The following SLC19A3 variants were observed in gnomAD, a reference collection of about 807,000 sequenced individuals.
SLC19A3 encodes the protein solute carrier family 19 member 3, also known as thiamine transporter 2.
In SLC19A3, 31 loss-of-function variants were observed where a neutral mutation model predicts 40.2. That is an observed-to-expected ratio of 0.77 (90% confidence interval 0.58 to 1.04). SLC19A3 has a LOEUF of 1.04. Among genes scored for constraint, SLC19A3 ranks in the 50% least tolerant of loss-of-function variants. The pLI, the probability that SLC19A3 is intolerant of heterozygous loss-of-function variation, is 0.00. For synonymous variants in SLC19A3, 212 were observed against 227.5 expected, an observed-to-expected ratio of 0.93 and a Z score of 0.61; for missense variants, 592 against 596.7, an observed-to-expected ratio of 0.99 and a Z score of 0.08.
intron 1 of SLC19A3, among the ~76,000 whole-genome samples, chr2:227,715,236 A>C (rs1696291923): frequency 6.7e-6 from 1 of 149,674 alleles, no homozygotes; most frequent in Non-Finnish European, 1.5e-5. Flanking sequence ...ATAATCCTTT[A>C]TGTCAAACCC....
At chr2:227,693,358 A>G (rs1695305740) in intron 4 of SLC19A3, among the ~76,000 whole-genome samples, 1 of 152,214 alleles carries the variant, frequency 6.6e-6, no homozygotes. Context: ...CCAAAACAGC[A>G]TAGTTCTGGC....
intron 1 of SLC19A3, among the ~76,000 whole-genome samples, chr2:227,715,530 T>G (rs1696305405): frequency 6.6e-6 from 1 of 152,194 alleles, no homozygotes; most frequent in Non-Finnish European, 1.5e-5. Context: ...CCAGCCCAAG[T>G]GATCTTTAAG....
At chr2:227,706,822 T>C (rs56378971) in intron 1 of SLC19A3, 17,972 of 152,440 alleles carry the variant, frequency 0.12, 1,185 homozygotes, top group Middle Eastern at 0.17. Flanking sequence ...TATCAGGCTC[T>C]CACGATTTGA....
At position 227,707,353 on chromosome 2, in the gene SLC19A3, G is replaced by A. The variant is rs1016262447; in HGVS notation, c.-2-5033C>T. On this transcript the variant is annotated intron_variant, in intron 1 of 5. Coordinates refer to ENST00000644224, the MANE Select transcript of SLC19A3 (RefSeq NM_025243.4). ...TAATACTACCACTGTGGGAGGCCAA[G>A]TCAGGTGGATCGCTTGAGCTCAGGT... Among the ~76,000 whole-genome samples the A allele has an allele frequency of 2.6e-5, 4 of 152,164 alleles. No individual in the cohort carries two copies. The South Asian group carries it at 8.3e-4, about 31-fold the overall frequency.
At position 227,699,421 on chromosome 2, in the gene SLC19A3, C is replaced by A; in HGVS notation, c.294G>T (p.Leu98Phe). Reference sequence around the variant, plus strand: ...GCATGGTCTTCACTCCTTGGCCAAACAACAGCAGCAGCCAGGTAATGATGA... The same window carrying A: ...GCATGGTCTTCACTCCTTGGCCAAAAAACAGCAGCAGCCAGGTAATGATGA... Reference protein sequence around the residue: ...ISFIITWLLLLFGQGVKTMQV... With the variant: ...ISFIITWLLLFFGQGVKTMQV... The change falls in exon 3 of 6, where the codon TTG becomes TTT. Residue 98 changes from leucine to phenylalanine, a missense_variant. Leu to Phe is a conservative substitution (Grantham distance 22, BLOSUM62 0). Transcript: ENST00000644224. 6.2e-7 allele frequency: 1 copy of A among 1,614,120 alleles called. No individual in the cohort carries two copies. The highest frequency in any genetic ancestry group is 8.5e-7 in the Non-Finnish European group (1 of 1,180,024).
chr2:227,702,358 T>C lies in SLC19A3; in HGVS notation c.-2-38A>G, dbSNP rs762716116. 12 of 1,608,380 alleles carry C rather than the reference T, an allele frequency of 7.5e-6. No individual in the cohort carries two copies. In the East Asian group the frequency reaches 2.0e-4, roughly 27 times the overall value. On this transcript the variant is annotated intron_variant, in intron 1 of 5. Transcript: ENST00000644224. ...AAACAAAGAGAAAATTAAGTGATGC[T>C]TATTCTTTTTAGCATCCTTGATGCG...
At chr2:227,716,186 A>G (rs904377423) in intron 1 of SLC19A3, among the ~76,000 whole-genome samples, 3 of 152,196 alleles carry the variant, frequency 2.0e-5, no homozygotes, top group African/African-American at 7.2e-5. Flanking sequence ...ATTATTGTCT[A>G]TAGACATGCA....
chr2:227,692,091 A>G (rs1223344605), intron 4 of SLC19A3, among the ~76,000 whole-genome samples: 1 of 152,170 alleles, frequency 6.6e-6, no homozygotes, highest in African/African-American at 2.4e-5. Context: ...AAAGCCTCCC[A>G]CTAAAGAAAA....
rs901715278 is a variant in SLC19A3, at chr2:227,717,969, A to G, written c.-29T>C. On this transcript the variant is annotated 5_prime_UTR_variant, in exon 1 of 6. Transcript: ENST00000644224. ...TACAGAAGGGAGTGTCTGTTCACCA[A>G]ATCGCTCACTTGCCGCACGACCACG... The G allele has an allele frequency of 1.0e-6, 1 of 985,100 alleles. No homozygotes were observed. Among genetic ancestry groups the G allele is most frequent in the Admixed American group, 6.2e-5 (1 of 16,236 alleles). The allele number at this position is 985,100 out of a possible 1,614,324, so 61.0% of individuals were successfully genotyped here.
chr2:227,692,374 C>T (rs760426309), intron 4 of SLC19A3, among the ~76,000 whole-genome samples: 3 of 152,174 alleles, frequency 2.0e-5, no homozygotes, highest in Non-Finnish European at 4.4e-5. Flanking sequence ...TGGGATTTAT[C>T]CCAGGGATGC....
intron 1 of SLC19A3, among the ~76,000 whole-genome samples, chr2:227,707,611 T>C (rs1695994309): frequency 6.9e-6 from 1 of 144,008 alleles, no homozygotes; most frequent in Non-Finnish European, 1.5e-5. Context: ...TAAAATATAA[T>C]AAAAAAAAAC....
intron 1 of SLC19A3, among the ~76,000 whole-genome samples, chr2:227,704,691 G>A (rs1051375234): frequency 1.3e-5 from 2 of 152,102 alleles, no homozygotes; most frequent in African/African-American, 4.8e-5. Context: ...GGGAGGCTGA[G>A]GCAGGAGGGT....
intron 1 of SLC19A3, among the ~76,000 whole-genome samples, chr2:227,715,475 C>T (rs1481074615): frequency 6.6e-6 from 1 of 152,130 alleles, no homozygotes; most frequent in African/African-American, 2.4e-5. Flanking sequence ...ATCCGCCTGC[C>T]TTGGCCTCCC....
intron 2 of SLC19A3, chr2:227,700,936 T>G: frequency 1.5e-6 from 2 of 1,301,860 alleles, no homozygotes; most frequent in Non-Finnish European, 2.0e-6. Flanking sequence ...TCACTGAGGT[T>G]GCTGGAGAAA....
chr2:227,707,953 T>A (rs899284863), intron 1 of SLC19A3, among the ~76,000 whole-genome samples: 1 of 152,192 alleles, frequency 6.6e-6, no homozygotes, highest in African/African-American at 2.4e-5. Flanking sequence ...GGTGTTGAAC[T>A]CCTGACCTCA....
chr2:227,686,700 A>G lies in SLC19A3; in HGVS notation c.*697T>C, dbSNP rs1574539196. ...AGGCCACTGGGAAATGACCTTGTGT[A>G]TTCTGCAAATACACAAGAGGATCTG... On this transcript the variant is annotated 3_prime_UTR_variant, in exon 6 of 6. Transcript: ENST00000644224. 1 of 152,242 alleles carries G rather than the reference A, an allele frequency of 6.6e-6. No homozygotes were observed. Among genetic ancestry groups the G allele is most frequent in the Admixed American group, 6.5e-5 (1 of 15,278 alleles). 9.4% of individuals were successfully genotyped at this position (152,242 alleles called of 1,614,324 possible).
intron 4 of SLC19A3, 114 bp from the exon 5 acceptor site, chr2:227,688,421 T>TAGTC: frequency 1.1e-6 from 1 of 885,542 alleles, no homozygotes; most frequent in Non-Finnish European, 1.8e-6. Context: ...CAGCTCCAGG[T>TAGTC]AGTCCAGCAA....
At chr2:227,698,403 C>T (rs1695525339) in intron 3 of SLC19A3, among the ~76,000 whole-genome samples, 1 of 151,994 alleles carries the variant, frequency 6.6e-6, no homozygotes, top group South Asian at 2.1e-4. Flanking sequence ...CCTCGTGATT[C>T]GCCAGCCTCG....
At chr2:227,710,423 C>T (rs927421950) in intron 1 of SLC19A3, among the ~76,000 whole-genome samples, 5 of 152,226 alleles carry the variant, frequency 3.3e-5, no homozygotes, top group East Asian at 3.9e-4. Context: ...AGGCTGGGTG[C>T]GGTGGCTTAC....
Sources: allele counts gnomAD v4.1 joint callset (sites outside exome capture counted in the v4.1 genomes callset), GRCh38; gene constraint gnomAD v4.1.1; transcripts MANE v1.5; gene names NCBI Gene and HGNC (gene_info 2026-07-23, HGNC 2026-07-21).